MALRD1: variants seen among roughly 807,000 people sequenced by gnomAD.
MALRD1 encodes MAM and LDL receptor class A domain containing 1, also known as MAM and LDL-receptor class A domain-containing protein 1.
MALRD1 carries 247 observed loss-of-function variants against 242.1 expected under a neutral mutation model. That is an observed-to-expected ratio of 1.02 (90% CI 0.92 to 1.13). The LOEUF is 1.13. Ranked by LOEUF, MALRD1 falls within the 50% of genes most tolerant of loss-of-function variation. The pLI is 0.00. For synonymous variants in MALRD1, 995 were observed against 866.6 expected (o/e 1.15, Z -2.60); for missense variants, 2,989 against 2,533.1 (o/e 1.18, Z -3.86).
chr10:19,155,726 T>A (rs879405958), intron 12 of MALRD1, among the ~76,000 whole-genome samples: 20 of 152,118 alleles, frequency 1.3e-4, no homozygotes, highest in Admixed American at 3.9e-4. Flanking sequence ...TGAGACGCAG[T>A]GTCTACACCA....
chr10:19,604,466 T>C (rs1227157776), intron 34 of MALRD1, among the ~76,000 whole-genome samples: 3 of 152,126 alleles, frequency 2.0e-5, no homozygotes, highest in Admixed American at 6.6e-5. Flanking sequence ...GTGAGGAAGC[T>C]TTGGAAGAAA....
chr10:19,707,050 T>C (rs988691968), intron 38 of MALRD1, among the ~76,000 whole-genome samples: 2 of 149,514 alleles, frequency 1.3e-5, no homozygotes, highest in Non-Finnish European at 1.5e-5. Flanking sequence ...TTTCTTCTTC[T>C]TCCTCCTCCT....
chr10:19,396,000 A>G (rs1032514538), intron 28 of MALRD1, among the ~76,000 whole-genome samples: 4 of 152,162 alleles, frequency 2.6e-5, no homozygotes, highest in Admixed American at 1.3e-4. Flanking sequence ...AGAAGCATAT[A>G]GTCGGCTCTA....
At chr10:19,693,425 C>T (rs1051557335) in intron 38 of MALRD1, among the ~76,000 whole-genome samples, 4 of 152,124 alleles carry the variant, frequency 2.6e-5, no homozygotes, top group Admixed American at 2.0e-4. Flanking sequence ...TTCTTATACA[C>T]CAATAACAGA....
intron 26 of MALRD1, among the ~76,000 whole-genome samples, chr10:19,375,044 C>A (rs555603874): frequency 6.6e-6 from 1 of 152,016 alleles, no homozygotes; most frequent in Non-Finnish European, 1.5e-5. Flanking sequence ...TATGGCCCTG[C>A]ACTTTTTCTA....
In MALRD1 at chr10:19,204,301, T is replaced by C. The variant is rs955024301; in HGVS notation, c.2105-7T>C. 7.2e-6 allele frequency: 10 copies of C among 1,386,506 alleles called. No individual in the cohort carries two copies. The highest frequency in any genetic ancestry group is 6.0e-5 in the African/African-American group (4 of 66,150). 85.9% of individuals were successfully genotyped at this position (1,386,506 alleles called of 1,614,324 possible). On this transcript the variant is annotated splice_region_variant and splice_polypyrimidine_tract_variant and intron_variant, in intron 15 of 39. Coordinates refer to ENST00000454679, the MANE Select transcript of MALRD1 (RefSeq NM_001142308.3). Reference sequence around the variant, plus strand: ...GAAGCGTTTTTTTTTTTTTTTTATCTCAACAGGGCATTTTATGTTCATTCT... The same window carrying C: ...GAAGCGTTTTTTTTTTTTTTTTATCCCAACAGGGCATTTTATGTTCATTCT...
intron 29 of MALRD1, among the ~76,000 whole-genome samples, chr10:19,456,438 G>T (rs1835651948): frequency 6.6e-6 from 1 of 152,262 alleles, no homozygotes; most frequent in East Asian, 1.9e-4. Context: ...GTGGCATGAT[G>T]ATAATGATCT....
intron 19 of MALRD1, among the ~76,000 whole-genome samples, chr10:19,268,292 A>C (rs1357210086): frequency 6.6e-6 from 1 of 152,184 alleles, no homozygotes; most frequent in Non-Finnish European, 1.5e-5. Context: ...GCTATAACAC[A>C]GTTGTTATAA....
At chr10:19,431,883 C>T (rs1021956161) in intron 28 of MALRD1, among the ~76,000 whole-genome samples, 3 of 152,160 alleles carry the variant, frequency 2.0e-5, no homozygotes, top group Non-Finnish European at 4.4e-5. Flanking sequence ...ATAACTGACA[C>T]GTTGCTTTTG....
At position 19,315,062 on chromosome 10, in the gene MALRD1, T is replaced by G. The variant is rs12218988; in HGVS notation, c.3420-8887T>G. Among the ~76,000 whole-genome samples the G allele has an allele frequency of 1.1e-3, 134 of 127,214 alleles. 4 individuals carry two copies. The Middle Eastern group carries it at 0.013, about 12-fold the overall frequency. 83.5% of individuals were successfully genotyped at this position (127,214 alleles called of 152,430 possible). ...TATAAATATGTAAATATAATTTATA[T>G]AAATATGTAAATATAATTTATAGAA... is the stretch of plus-strand genomic sequence containing the variant. On this transcript the variant is annotated intron_variant, in intron 21 of 39. Transcript: ENST00000454679.
chr10:19,148,728 G>A (rs1365247298), intron 11 of MALRD1, among the ~76,000 whole-genome samples: 1 of 147,664 alleles, frequency 6.8e-6, no homozygotes, highest in African/African-American at 2.5e-5. Context: ...CACCCAGAGT[G>A]TGAGGGACAA....
rs560161513 is a variant in MALRD1 at position 19,522,386 on chromosome 10, G to A, written c.5321-8808G>A. 3.3e-5 allele frequency among the ~76,000 whole-genome samples: 5 copies of A among 152,220 alleles called. No individual in the cohort carries two copies. In the South Asian group the frequency reaches 1.0e-3, roughly 32 times the overall value. On this transcript the variant is annotated intron_variant, in intron 31 of 39. Transcript: ENST00000454679. ...AGGCCATTAGTGTGAGGTTTTTAAT[G>A]TTTACCTGACTAGGACTAAGATTGT...
At chr10:19,297,459 A>G (rs1056163917) in intron 21 of MALRD1, among the ~76,000 whole-genome samples, 2 of 151,882 alleles carry the variant, frequency 1.3e-5, no homozygotes, top group African/African-American at 4.8e-5. Flanking sequence ...AGAGTAGTGC[A>G]GTTTGTGGAA....
At chr10:19,713,821 G>T (rs556078241) in intron 38 of MALRD1, among the ~76,000 whole-genome samples, 1 of 152,296 alleles carries the variant, frequency 6.6e-6, no homozygotes, top group African/African-American at 2.4e-5. Flanking sequence ...GTTAGCAAAG[G>T]TTCTGGTCAA....
At position 19,730,739 on chromosome 10, in the gene MALRD1, C is replaced by T; in HGVS notation, c.6348C>T (p.Val2116=). The change falls in exon 39 of 40, where the codon GTC becomes GTT. Residue 2116 remains valine, a synonymous_variant. Coordinates refer to ENST00000454679, the MANE Select transcript of MALRD1 (RefSeq NM_001142308.3). ...KTEGSGNCAF[V]NPVYGNWSNP... is the part of the protein sequence containing the mutation. The stretch of plus-strand genomic sequence containing the variant: ...AGGGAAGTGGTAACTGTGCCTTTGT[C>T]AATCCAGTTTACGGGAACTGGAGCA... 1 of 1,536,630 alleles carries T rather than the reference C, an allele frequency of 6.5e-7. No individual in the cohort carries two copies. Among genetic ancestry groups the T allele is most frequent in the Non-Finnish European group, 8.7e-7 (1 of 1,147,038 alleles).
chr10:19,553,369 T>C (rs1835579099), intron 32 of MALRD1, among the ~76,000 whole-genome samples: 2 of 152,200 alleles, frequency 1.3e-5, no homozygotes, highest in African/African-American at 2.4e-5. Flanking sequence ...CAATACATTT[T>C]AAGTCAAGAC....
chr10:19,522,611 A>G (rs1833931263), intron 31 of MALRD1, among the ~76,000 whole-genome samples: 1 of 152,108 alleles, frequency 6.6e-6, no homozygotes, highest in African/African-American at 2.4e-5. Flanking sequence ...AATTTAAGCC[A>G]TCTTTTATTT....
intron 26 of MALRD1, among the ~76,000 whole-genome samples, chr10:19,364,975 C>T (rs910084201): frequency 2.0e-5 from 3 of 152,028 alleles, no homozygotes; most frequent in Non-Finnish European, 4.4e-5. Context: ...GATATTTGGT[C>T]TTCCCAACCT....
At chr10:19,544,707 G>T (rs576863877) in intron 32 of MALRD1, among the ~76,000 whole-genome samples, 2 of 151,920 alleles carry the variant, frequency 1.3e-5, no homozygotes, top group African/African-American at 4.8e-5. Context: ...CTCTCTAACA[G>T]CTCTATGACT....
Sources: allele counts gnomAD v4.1 joint callset (sites outside exome capture counted in the v4.1 genomes callset), GRCh38; gene constraint gnomAD v4.1.1; transcripts MANE v1.5; gene names NCBI Gene and HGNC (gene_info 2026-07-23, HGNC 2026-07-21).